The following KIF6 variants were observed in gnomAD, a reference collection of about 807,000 sequenced individuals.
KIF6 encodes kinesin-like protein KIF6.
A neutral mutation model predicts 112.7 loss-of-function variants in KIF6; 106 were observed. The observed-to-expected ratio is 0.94, with a 90% CI of 0.80 to 1.11. The LOEUF is 1.11. Among genes scored for constraint, KIF6 ranks in the 50% least tolerant of loss-of-function variants. KIF6 has a pLI of 0.00. For synonymous variants in KIF6, 339 were observed against 339.9 expected (o/e 1.00, Z 0.03); for missense variants, 929 against 964.0 (o/e 0.96, Z 0.48).
intron 1 of KIF6, among the ~76,000 whole-genome samples, chr6:39,722,430 TAAG>T (rs1349598164): frequency 6.6e-6 from 1 of 152,170 alleles, no homozygotes; most frequent in Non-Finnish European, 1.5e-5. Flanking sequence ...GTTTTTTTTT[TAAG>T]AAGACAGAAC....
At chr6:39,483,042 A>G (rs1307327770) in intron 13 of KIF6, among the ~76,000 whole-genome samples, 1 of 152,208 alleles carries the variant, frequency 6.6e-6, no homozygotes, top group Non-Finnish European at 1.5e-5. Context: ...AGGATCATCA[A>G]AATAACAAAT....
At chr6:39,680,868 C>CTGCA (rs1561924514) in intron 3 of KIF6, among the ~76,000 whole-genome samples, 1 of 152,158 alleles carries the variant, frequency 6.6e-6, no homozygotes. Context: ...AGAAGAAGGA[C>CTGCA]TGCAGGTGGG....
intron 13 of KIF6, among the ~76,000 whole-genome samples, chr6:39,445,002 AT>A (rs1469868792): frequency 6.6e-6 from 1 of 152,210 alleles, no homozygotes; most frequent in Non-Finnish European, 1.5e-5. Context: ...GGTCTGGGTT[AT>A]GGAGCAGGGG....
intron 3 of KIF6, among the ~76,000 whole-genome samples, chr6:39,677,262 T>C (rs530200321): frequency 6.6e-6 from 1 of 152,100 alleles, no homozygotes; most frequent in Non-Finnish European, 1.5e-5. Context: ...TTCAGGAAGG[T>C]GAAACAATTC....
intron 10 of KIF6, 22 bp from the exon 11 acceptor site, chr6:39,545,710 G>C: frequency 6.8e-7 from 1 of 1,460,372 alleles, no homozygotes; most frequent in Non-Finnish European, 9.6e-7. Flanking sequence ...TAATGTATGA[G>C]AAGCAACTGT....
chr6:39,345,396 G>A (rs996413552), intron 21 of KIF6, among the ~76,000 whole-genome samples: 4 of 152,192 alleles, frequency 2.6e-5, no homozygotes, highest in South Asian at 2.1e-4. Flanking sequence ...TCTGCTCTGT[G>A]GTGGGGCTGC....
intron 14 of KIF6, among the ~76,000 whole-genome samples, chr6:39,423,617 G>T (rs9462544): frequency 0.078 from 11,876 of 151,938 alleles, 645 homozygotes; most frequent in African/African-American, 0.16. Flanking sequence ...AACTAAAATC[G>T]ACTGTACCCA....
At chr6:39,358,235 C>G (rs915375017) in intron 18 of KIF6, among the ~76,000 whole-genome samples, 11 of 152,230 alleles carry the variant, frequency 7.2e-5, no homozygotes, top group African/African-American at 2.7e-4. Flanking sequence ...TAGGTTATTT[C>G]CCACTTGCTT....
rs1779034444 is a variant in KIF6, at chr6:39,545,656, T to C, written c.1214A>G (p.Asp405Gly). ...LEKLITSFLE[D>G]QDSDSRLEVG... ...CTCTAATCTACTGTCTGAATCCTGG[T>C]CTTCCAAAAAGGATGTTATTAGTTT... The change falls in exon 11 of 23, where the codon GAC (aspartate) becomes GGC (glycine). Residue 405 changes from aspartate (D) to glycine (G), a missense_variant. Around this residue, in one of 2 missense-constraint regions of KIF6, gnomAD observed 688 missense variants for 662.7 expected, o/e 1.04. Coordinates refer to ENST00000287152, the MANE Select transcript of KIF6 (RefSeq NM_145027.6). 6.2e-7 allele frequency: 1 copy of C among 1,613,596 alleles called. No homozygotes were observed. Among genetic ancestry groups the C allele is most frequent in the Non-Finnish European group, 8.5e-7 (1 of 1,179,586 alleles).
intron 13 of KIF6, among the ~76,000 whole-genome samples, 165 bp downstream of exon 13, chr6:39,539,838 G>A (rs544004915): frequency 3.3e-5 from 5 of 152,234 alleles, no homozygotes; most frequent in African/African-American, 1.2e-4. Flanking sequence ...CCTCAGTTCA[G>A]TCATCAGTTT....
chr6:39,353,834 A>G (rs1045032445), intron 19 of KIF6: 6 of 426,870 alleles, frequency 1.4e-5, no homozygotes, highest in Admixed American at 2.9e-5. Flanking sequence ...GGAGAGATGG[A>G]CTTCAGGATG....
At chr6:39,438,194 G>C in intron 13 of KIF6, among the ~76,000 whole-genome samples, 1 of 152,070 alleles carries the variant, frequency 6.6e-6, no homozygotes, top group Non-Finnish European at 1.5e-5. Flanking sequence ...GGCTGGTCTC[G>C]AACTCCTGAC....
At chr6:39,456,518 C>T (rs1015648007) in intron 13 of KIF6, among the ~76,000 whole-genome samples, 1 of 73,614 alleles carries the variant, frequency 1.4e-5, no homozygotes, top group African/African-American at 6.2e-5. Flanking sequence ...TCACACATAA[C>T]AATATTAACT....
intron 13 of KIF6, among the ~76,000 whole-genome samples, chr6:39,516,884 C>T (rs1322962888): frequency 6.6e-6 from 1 of 152,160 alleles, no homozygotes; most frequent in African/African-American, 2.4e-5. Context: ...CTTTCTTGAC[C>T]TCTAAAATCG....
chr6:39,571,683 C>T (rs994117120), intron 10 of KIF6, among the ~76,000 whole-genome samples: 3 of 152,212 alleles, frequency 2.0e-5, no homozygotes, highest in Non-Finnish European at 4.4e-5. Flanking sequence ...AAGGAAGATA[C>T]CAGCTCCTCT....
At chr6:39,463,480 A>G (rs957829853) in intron 13 of KIF6, among the ~76,000 whole-genome samples, 4 of 152,258 alleles carry the variant, frequency 2.6e-5, no homozygotes, top group African/African-American at 9.6e-5. Flanking sequence ...GACTACCAGG[A>G]GATAGCAACC....
At chr6:39,512,927 T>C (rs759615036) in intron 13 of KIF6, among the ~76,000 whole-genome samples, 2 of 152,180 alleles carry the variant, frequency 1.3e-5, no homozygotes, top group Non-Finnish European at 2.9e-5. Flanking sequence ...CACGTCTATA[T>C]GTGTGTTACC....
intron 6 of KIF6, among the ~76,000 whole-genome samples, chr6:39,603,347 G>A (rs1782679539): frequency 6.6e-6 from 1 of 152,154 alleles, no homozygotes; most frequent in South Asian, 2.1e-4. Context: ...GAGGCCAGGA[G>A]AGAGGTGCTA....
chr6:39,428,436 A>T (rs539427883), intron 14 of KIF6, among the ~76,000 whole-genome samples: 2 of 152,356 alleles, frequency 1.3e-5, no homozygotes, highest in South Asian at 2.1e-4. Flanking sequence ...GATAAGCATT[A>T]GAAGGCTTGT....
Sources: allele counts gnomAD v4.1 joint callset (sites outside exome capture counted in the v4.1 genomes callset), GRCh38; gene constraint gnomAD v4.1.1; regional missense constraint gnomAD v4.1.1; transcripts MANE v1.5; gene names NCBI Gene and HGNC (gene_info 2026-07-23, HGNC 2026-07-21).